Variants in VPS13A observed in about 807,000 individuals in gnomAD.
VPS13A encodes intermembrane lipid transfer protein VPS13A.
In VPS13A, 264 loss-of-function variants were observed where a neutral mutation model predicts 390.9. The ratio of observed to expected loss-of-function variants is 0.68; its 90% confidence interval spans 0.61 to 0.75. VPS13A has a LOEUF of 0.75. VPS13A is among the 30% of genes least tolerant of loss of function. The pLI, the probability that VPS13A is intolerant of heterozygous loss-of-function variation, is 0.00. For missense variants in VPS13A, 3,409 were observed against 3,733.9 expected (o/e 0.91, Z 2.27); for synonymous variants, 1,231 against 1,227.1 (o/e 1.00, Z -0.07).
intron 46 of VPS13A, among the ~76,000 whole-genome samples, chr9:77,334,009 G>A (rs1391202056): frequency 6.6e-6 from 1 of 152,122 alleles, no homozygotes; most frequent in African/African-American, 2.4e-5. Flanking sequence ...TGTTAGAGTT[G>A]CCAAAAACTG....
chr9:77,186,899 G>A (rs190971867), intron 1 of VPS13A, among the ~76,000 whole-genome samples: 15 of 152,118 alleles, frequency 9.9e-5, no homozygotes, highest in East Asian at 1.9e-4. Flanking sequence ...CCATTCCACC[G>A]TCTTCCCAGA....
chr9:77,308,519 C>T (rs1222310376), intron 35 of VPS13A, among the ~76,000 whole-genome samples: 3 of 152,106 alleles, frequency 2.0e-5, no homozygotes, highest in African/African-American at 4.8e-5. Flanking sequence ...TTAGGAATAT[C>T]AAAGTATTAG....
chr9:77,237,940 AATTT>A, intron 17 of VPS13A, 58 bp from the exon 18 acceptor site: 1 of 1,320,006 alleles, frequency 7.6e-7, no homozygotes, highest in Non-Finnish European at 1.1e-6. Flanking sequence ...AATCATTTTC[AATTT>A]TTAAAATCCT....
At position 77,219,968 on chromosome 9, in the gene VPS13A, T is replaced by C; in HGVS notation, c.769T>C (p.Ser257Pro). The C allele has an allele frequency of 6.2e-7, 1 of 1,613,614 alleles. No homozygotes were observed. The highest frequency in any genetic ancestry group is 8.5e-7 in the Non-Finnish European group (1 of 1,179,666). ...EGYDFVFRPI[S>P]ANAKLVMNRR... ...TTATTTTTCAGTATTTCGTCCCATA[T>C]CTGCTAATGCCAAACTTGTGATGAA... is the stretch of plus-strand genomic sequence containing the variant. Residue 257 changes from serine (S) to proline (P), a missense_variant, in exon 11 of 72, where the codon TCT becomes CCT. This residue lies in a region of VPS13A where 2,717 missense variants were observed against 2,917.4 expected (regional missense o/e 0.93). Coordinates refer to ENST00000360280, the MANE Select transcript of VPS13A (RefSeq NM_033305.3).
chr9:77,206,154 A>G (rs1225228896), intron 5 of VPS13A, 75 bp downstream of exon 5: 37 of 1,035,176 alleles, frequency 3.6e-5, no homozygotes, highest in Non-Finnish European at 5.2e-5. Flanking sequence ...ATTGAATATT[A>G]TTTTTCTCTG....
intron 20 of VPS13A, among the ~76,000 whole-genome samples, chr9:77,249,603 C>G (rs534423868): frequency 3.6e-4 from 55 of 152,200 alleles, no homozygotes; most frequent in African/African-American, 1.3e-3. Context: ...AAAAGTAATG[C>G]GCACAGTATG....
At chr9:77,281,735 A>G (rs1217817274) in intron 27 of VPS13A, 132 bp from the exon 28 acceptor site, 3 of 475,414 alleles carry the variant, frequency 6.3e-6, no homozygotes, top group South Asian at 3.3e-5. Flanking sequence ...GTGTGTGTAT[A>G]TGTGTATATA....
intron 68 of VPS13A, among the ~76,000 whole-genome samples, chr9:77,396,069 G>C (rs558748400): frequency 5.9e-5 from 9 of 151,812 alleles, no homozygotes; most frequent in Non-Finnish European, 1.2e-4. Context: ...ACTTTAGTGA[G>C]ACTTTTGTTA....
chr9:77,392,101 T>C (rs1293143941), intron 68 of VPS13A, among the ~76,000 whole-genome samples: 1 of 152,228 alleles, frequency 6.6e-6, no homozygotes, highest in African/African-American at 2.4e-5. Flanking sequence ...TTCCTGTTTG[T>C]TGTTTAGCCG....
At chr9:77,198,649 G>C (rs1055570534) in intron 1 of VPS13A, among the ~76,000 whole-genome samples, 6 of 151,144 alleles carry the variant, frequency 4.0e-5, no homozygotes, top group Non-Finnish European at 8.8e-5. Context: ...TATTTTTTTT[G>C]TCTCTCTCTC....
intron 29 of VPS13A, among the ~76,000 whole-genome samples, chr9:77,283,015 C>T (rs1025758009): frequency 5.3e-5 from 8 of 151,356 alleles, no homozygotes; most frequent in East Asian, 1.9e-4. Context: ...ATAGTACTTT[C>T]GAAGCAGTGA....
intron 71 of VPS13A, among the ~76,000 whole-genome samples, chr9:77,414,588 A>T (rs1292951867): frequency 6.6e-6 from 1 of 151,102 alleles, no homozygotes; most frequent in Non-Finnish European, 1.5e-5. Flanking sequence ...AGGGCCTGTT[A>T]TGGGATGGGG....
chr9:77,340,700 C>T, intron 50 of VPS13A, 150 bp downstream of exon 50: 1 of 920,970 alleles, frequency 1.1e-6, no homozygotes, highest in Non-Finnish European at 1.6e-6. Context: ...TTGTGCCCTG[C>T]TCTAGATAGA....
intron 69 of VPS13A, 127 bp from the exon 70 acceptor site, chr9:77,405,737 G>C (rs1479789541): frequency 8.3e-7 from 1 of 1,211,688 alleles, no homozygotes; most frequent in East Asian, 2.6e-5. Flanking sequence ...AATTCATTAA[G>C]AATATAGAAT....
At chr9:77,189,132 C>CTT (rs542812911) in intron 1 of VPS13A, among the ~76,000 whole-genome samples, 3,098 of 112,120 alleles carry the variant, frequency 0.028, 136 homozygotes, top group East Asian at 0.1. Context: ...TCCCACTTGC[C>CTT]TTTTTTTTTT....
intron 59 of VPS13A, among the ~76,000 whole-genome samples, chr9:77,364,443 A>C (rs552444188): frequency 6.6e-6 from 1 of 150,762 alleles, no homozygotes; most frequent in Admixed American, 6.6e-5. Context: ...ACAAACAAAC[A>C]AAAAAAAACC....
Position 77,213,015 on chromosome 9 carries a change from A to C in VPS13A, c.602A>C (p.Lys201Thr). ...WVPCLHDETE[K>T]LVRKLIRLDN... Reference sequence around the variant, plus strand: ...CCATGTTTACATGATGAAACTGAGAAACTGGTTCGTAAGGTAAATAAATAC... The same window carrying C: ...CCATGTTTACATGATGAAACTGAGACACTGGTTCGTAAGGTAAATAAATAC... Residue 201 changes from lysine (K) to threonine (T), a missense_variant, in exon 8 of 72, where the codon AAA (lysine) becomes ACA (threonine). This residue lies in a region of VPS13A where 2,717 missense variants were observed against 2,917.4 expected (regional missense o/e 0.93). Coordinates refer to ENST00000360280, the MANE Select transcript of VPS13A (RefSeq NM_033305.3). 6.2e-7 allele frequency: 1 copy of C among 1,613,994 alleles called. No individual in the cohort carries two copies. Among genetic ancestry groups the C allele is most frequent in the South Asian group, 1.1e-5 (1 of 91,076 alleles).
At chr9:77,217,755 G>T (rs1822941474) in intron 10 of VPS13A, among the ~76,000 whole-genome samples, 1 of 151,288 alleles carries the variant, frequency 6.6e-6, no homozygotes, top group Admixed American at 6.6e-5. Context: ...GAATAGTGCT[G>T]TGGTAAACAT....
chr9:77,250,806 G>A (rs928034218), intron 21 of VPS13A, among the ~76,000 whole-genome samples: 1 of 152,156 alleles, frequency 6.6e-6, no homozygotes, highest in Non-Finnish European at 1.5e-5. Context: ...TTTTGAAGAT[G>A]AAGTCAAAGC....
Sources: gnomAD v4.1 joint callset for allele counts (sites outside exome capture counted in the v4.1 genomes callset) on GRCh38, gnomAD v4.1.1 for gene constraint, gnomAD v4.1.1 regional missense constraint, MANE v1.5 for transcripts, NCBI Gene and HGNC (gene_info 2026-07-23, HGNC 2026-07-21) for gene names.